Variants in ANTXR2 observed in about 807,000 individuals in gnomAD.
The protein encoded by ANTXR2 is anthrax toxin receptor 2.
A neutral mutation model predicts 73.7 loss-of-function variants in ANTXR2; 44 were observed. The ratio of observed to expected loss-of-function variants is 0.60; its 90% CI spans 0.47 to 0.77. The LOEUF is 0.77. Among genes scored for constraint, ANTXR2 ranks in the 30% least tolerant of loss-of-function variants. The probability of loss-of-function intolerance (pLI) is 0.00; values close to 1 mark genes in which losing one functional copy is unlikely to be tolerated. For missense variants in ANTXR2, 604 were observed against 592.5 expected (o/e 1.02, Z -0.20); for synonymous variants, 217 against 205.9 (o/e 1.05, Z -0.46).
chr4:80,012,189 TAG>T (rs758530116), intron 11 of ANTXR2, among the ~76,000 whole-genome samples: 12 of 152,182 alleles, frequency 7.9e-5, no homozygotes, highest in Admixed American at 3.9e-4. Flanking sequence ...TTCATGAATT[TAG>T]AGTTAGGGAA....
intron 8 of ANTXR2, among the ~76,000 whole-genome samples, chr4:80,034,005 C>T (rs939363839): frequency 2.2e-4 from 33 of 152,022 alleles, no homozygotes; most frequent in African/African-American, 7.0e-4. Context: ...TTTAGTTCTT[C>T]GAAAAGTCGT....
chr4:80,016,576 C>A (rs1203463728), intron 11 of ANTXR2, among the ~76,000 whole-genome samples: 1 of 152,214 alleles, frequency 6.6e-6, no homozygotes, highest in Non-Finnish European at 1.5e-5. Context: ...GTTTGTACAT[C>A]CAATCCAGAC....
rs935512377 is a variant in ANTXR2, at chr4:79,906,708, T to C, written c.*721A>G. On this transcript the variant is annotated 3_prime_UTR_variant, in exon 17 of 17. Transcript: ENST00000403729. ...AGGCCTTCTGTGGAATAACGCTCTA[T>C]TAATTTTCTTGTCCCGAGTGCATAA... 1 of 152,646 alleles carries C rather than the reference T, an allele frequency of 6.6e-6. No individual in the cohort carries two copies. Among genetic ancestry groups the C allele is most frequent in the African/African-American group, 2.4e-5 (1 of 41,454 alleles). The allele number at this position is 152,646 out of a possible 1,614,324, so 9.5% of individuals were successfully genotyped here.
intron 7 of ANTXR2, among the ~76,000 whole-genome samples, chr4:80,043,360 A>G (rs928722828): frequency 2.6e-5 from 4 of 151,992 alleles, no homozygotes; most frequent in African/African-American, 9.7e-5. Context: ...CTTCTCTCCT[A>G]CTTAAGATGT....
chr4:80,055,280 T>C (rs945340181), intron 5 of ANTXR2, 62 bp from the exon 6 acceptor site: 1 of 1,548,088 alleles, frequency 6.5e-7, no homozygotes. Context: ...AAGTGAATTA[T>C]TCAAATATCA....
chr4:80,036,119 G>A, intron 7 of ANTXR2, 87 bp from the exon 8 acceptor site: 4 of 1,093,186 alleles, frequency 3.7e-6, no homozygotes, highest in Non-Finnish European at 5.2e-6. Flanking sequence ...ATAACCTTGA[G>A]GTCTTCTCCA....
At chr4:79,908,550 A>T (rs1727007293) in intron 16 of ANTXR2, among the ~76,000 whole-genome samples, 1 of 152,226 alleles carries the variant, frequency 6.6e-6, no homozygotes, top group Non-Finnish European at 1.5e-5. Context: ...AAGCATAAAA[A>T]CAAAACAGAG....
intron 6 of ANTXR2, 99 bp from the exon 7 acceptor site, chr4:80,054,451 C>T (rs2110107175): frequency 2.4e-6 from 2 of 835,268 alleles, no homozygotes; most frequent in Non-Finnish European, 3.8e-6. Context: ...GAAAAATTAC[C>T]CCACAGGATT....
At chr4:80,022,499 C>T (rs1732215430) in intron 10 of ANTXR2, among the ~76,000 whole-genome samples, 1 of 152,190 alleles carries the variant, frequency 6.6e-6, no homozygotes. Context: ...GAGAAAACCG[C>T]CCACTGTAAT....
At chr4:79,985,008 C>G in intron 12 of ANTXR2, 145 bp from the exon 13 acceptor site, 2 of 677,972 alleles carry the variant, frequency 2.9e-6, no homozygotes, top group East Asian at 2.7e-5. Flanking sequence ...TTATGCCCCT[C>G]TCTTTGAATC....
At chr4:80,017,343 T>C (rs767229608) in intron 11 of ANTXR2, among the ~76,000 whole-genome samples, 1 of 152,192 alleles carries the variant, frequency 6.6e-6, no homozygotes, top group Non-Finnish European at 1.5e-5. Context: ...TACCTTCAAG[T>C]CTTTTCTCAA....
intron 2 of ANTXR2, among the ~76,000 whole-genome samples, chr4:80,071,004 T>C (rs898504026): frequency 1.3e-5 from 2 of 152,214 alleles, no homozygotes; most frequent in Admixed American, 6.5e-5. Flanking sequence ...ATGCTTTTTA[T>C]AGGAGAGGAA....
At chr4:79,935,481 C>G (rs1393843802) in intron 16 of ANTXR2, among the ~76,000 whole-genome samples, 1 of 150,678 alleles carries the variant, frequency 6.6e-6, no homozygotes, top group Non-Finnish European at 1.5e-5. Flanking sequence ...ACATACTGAA[C>G]ATCAAAAGAG....
At chr4:79,986,889 G>C (rs4690132) in intron 12 of ANTXR2, among the ~76,000 whole-genome samples, 115,141 of 152,084 alleles carry the variant, frequency 0.76, 43,872 homozygotes, top group East Asian at 0.95. Flanking sequence ...CTAAGCTGAG[G>C]CTTGGCCTCC....
At chr4:80,063,841 A>C (rs1477461160) in intron 3 of ANTXR2, among the ~76,000 whole-genome samples, 2 of 152,182 alleles carry the variant, frequency 1.3e-5, no homozygotes, top group African/African-American at 4.8e-5. Context: ...GATTGAATAC[A>C]GTTTTTCACC....
chr4:79,915,553 T>C (rs770376630), intron 16 of ANTXR2, among the ~76,000 whole-genome samples: 30 of 152,172 alleles, frequency 2.0e-4, no homozygotes, highest in Non-Finnish European at 3.7e-4. Context: ...CTGATTTATT[T>C]ATAAATCACT....
At chr4:80,017,493 C>G (rs1731930482) in intron 11 of ANTXR2, among the ~76,000 whole-genome samples, 1 of 150,640 alleles carries the variant, frequency 6.6e-6, no homozygotes, top group Non-Finnish European at 1.5e-5. Flanking sequence ...AGTCATATTA[C>G]CCTCACTCAG....
chr4:80,069,054 AT>A (rs1734656246), intron 3 of ANTXR2, among the ~76,000 whole-genome samples: 1 of 152,186 alleles, frequency 6.6e-6, no homozygotes, highest in South Asian at 2.1e-4. Context: ...AATCTAGGAA[AT>A]TATCCAAAAG....
chr4:79,946,977 A>G (rs984167339), intron 16 of ANTXR2, among the ~76,000 whole-genome samples: 6 of 152,170 alleles, frequency 3.9e-5, no homozygotes, highest in Admixed American at 2.6e-4. Context: ...ATGCCCATGT[A>G]GGTAATAATC....
Sources: allele counts gnomAD v4.1 joint callset (sites outside exome capture counted in the v4.1 genomes callset), GRCh38; gene constraint gnomAD v4.1.1; transcripts MANE v1.5; gene names NCBI Gene and HGNC (gene_info 2026-07-23, HGNC 2026-07-21).